Variants in REDIC1 observed in about 807,000 individuals in gnomAD.
REDIC1 encodes regulator of DNA class I crossover intermediates 1.
the REDIC1 span, among the ~76,000 whole-genome samples, chr12:39,790,763 T>C: frequency 1.9e-5 from 1 of 51,708 alleles, no homozygotes; most frequent in Non-Finnish European, 3.9e-5. Context: ...TCAAATGGTA[T>C]TTCTAGTTCT....
chr12:39,744,778 G>T, the REDIC1 span, among the ~76,000 whole-genome samples: 1 of 152,078 alleles, frequency 6.6e-6, no homozygotes. Flanking sequence ...CAGAAAAAAG[G>T]TGGAAGACAA....
the REDIC1 span, among the ~76,000 whole-genome samples, chr12:39,707,167 AAATC>A: frequency 6.6e-6 from 1 of 151,984 alleles, no homozygotes; most frequent in African/African-American, 2.4e-5. Flanking sequence ...GTATAGGAAA[AAATC>A]TAATAATCTC....
At chr12:39,871,297 T>C in the REDIC1 span, among the ~76,000 whole-genome samples, 1 of 152,188 alleles carries the variant, frequency 6.6e-6, no homozygotes, top group South Asian at 2.1e-4. Context: ...CCCTGGAATT[T>C]AGGCCTGTTT....
chr12:39,764,974 GT>G, the REDIC1 span: 3 of 1,203,340 alleles, frequency 2.5e-6, no homozygotes, highest in Admixed American at 5.5e-5. Flanking sequence ...AGTCCAAAAT[GT>G]TTTTCTTAAA....
the REDIC1 span, among the ~76,000 whole-genome samples, chr12:39,680,876 A>G: frequency 6.6e-6 from 1 of 152,202 alleles, no homozygotes; most frequent in Non-Finnish European, 1.5e-5. Flanking sequence ...ATGGAGTTGG[A>G]AACTATTATT....
At chr12:39,687,734 A>G in the REDIC1 span, among the ~76,000 whole-genome samples, 1 of 152,226 alleles carries the variant, frequency 6.6e-6, no homozygotes, top group Non-Finnish European at 1.5e-5. Flanking sequence ...AATGTGCTAC[A>G]TAATTTTATA....
the REDIC1 span, among the ~76,000 whole-genome samples, chr12:39,796,499 A>T: frequency 1.3e-5 from 2 of 151,934 alleles, no homozygotes; most frequent in African/African-American, 4.8e-5. Flanking sequence ...TTTCCTTAAA[A>T]GCAAGCTGCT....
chr12:39,663,665 C>G, the REDIC1 span, among the ~76,000 whole-genome samples: 1 of 151,910 alleles, frequency 6.6e-6, no homozygotes, highest in Non-Finnish European at 1.5e-5. Flanking sequence ...TTCTCTCTTA[C>G]TATATATATT....
chr12:39,716,971 G>A, the REDIC1 span: 11 of 520,670 alleles, frequency 2.1e-5, no homozygotes, highest in South Asian at 8.8e-5. Context: ...TAAACAAAAA[G>A]GTAAAAAATT....
chr12:39,711,645 A>G, the REDIC1 span, among the ~76,000 whole-genome samples: 1 of 141,032 alleles, frequency 7.1e-6, no homozygotes, highest in Non-Finnish European at 1.6e-5. Context: ...ATATGTGTAT[A>G]CACATGTATG....
the REDIC1 span, among the ~76,000 whole-genome samples, chr12:39,772,541 C>T: frequency 6.6e-6 from 1 of 151,136 alleles, no homozygotes; most frequent in Admixed American, 6.6e-5. Flanking sequence ...TGTCCCTTGA[C>T]CAATAATCCC....
chr12:39,675,631 G>A, the REDIC1 span, among the ~76,000 whole-genome samples: 1 of 152,212 alleles, frequency 6.6e-6, no homozygotes, highest in African/African-American at 2.4e-5. Flanking sequence ...CAACTTCACT[G>A]CTAGCATAAG....
the REDIC1 span, among the ~76,000 whole-genome samples, chr12:39,735,634 C>G: frequency 3.3e-5 from 5 of 152,124 alleles, no homozygotes; most frequent in Non-Finnish European, 7.4e-5. Flanking sequence ...GGACGAAGGC[C>G]AAATTTAGGG....
the REDIC1 span, among the ~76,000 whole-genome samples, chr12:39,854,510 T>C: frequency 2.6e-5 from 4 of 152,196 alleles, no homozygotes; most frequent in Non-Finnish European, 5.9e-5. Context: ...TTAACATTTA[T>C]TTGTAATATT....
At chr12:39,750,431 A>C in the REDIC1 span, among the ~76,000 whole-genome samples, 1 of 152,232 alleles carries the variant, frequency 6.6e-6, no homozygotes, top group South Asian at 2.1e-4. Flanking sequence ...CAAATGGAAA[A>C]ACATTCCATG....
chr12:39,696,864 GA>G, the REDIC1 span, among the ~76,000 whole-genome samples: 1 of 151,984 alleles, frequency 6.6e-6, no homozygotes, highest in African/African-American at 2.4e-5. Flanking sequence ...CAGACAATTT[GA>G]AAATACACAG....
the REDIC1 span, chr12:39,907,782 T>C: frequency 2.0e-5 from 3 of 152,168 alleles, no homozygotes; most frequent in African/African-American, 7.2e-5. Context: ...GATTAAATTA[T>C]CTTACACGCC....
the REDIC1 span, among the ~76,000 whole-genome samples, chr12:39,767,403 G>A: frequency 6.6e-6 from 1 of 151,360 alleles, no homozygotes; most frequent in African/African-American, 2.4e-5. Flanking sequence ...TTTTTGTTTC[G>A]TTTTAGAGCA....
chr12:39,702,369 C>T, the REDIC1 span, among the ~76,000 whole-genome samples: 6 of 152,246 alleles, frequency 3.9e-5, no homozygotes, highest in East Asian at 3.9e-4. Flanking sequence ...ATACACCCTC[C>T]CAAGACTAAA....
Sources: gnomAD v4.1 joint callset for allele counts (sites outside exome capture counted in the v4.1 genomes callset) on GRCh38, gnomAD v4.1.1 for gene constraint, MANE v1.5 for transcripts, NCBI Gene and HGNC (gene_info 2026-07-23, HGNC 2026-07-21) for gene names.